B3GNT2: variants seen among roughly 807,000 people sequenced by gnomAD.
The protein encoded by B3GNT2 is N-acetyllactosaminide beta-1,3-N-acetylglucosaminyltransferase 2.
A neutral mutation model predicts 27.6 loss-of-function variants in B3GNT2; 12 were observed. The ratio of observed to expected loss-of-function variants is 0.44; its 90% CI spans 0.28 to 0.71. The LOEUF (loss-of-function observed/expected upper bound fraction) is 0.71. Among genes scored for constraint, B3GNT2 ranks in the 30% least tolerant of loss-of-function variants. B3GNT2 has a pLI of 0.17. For missense variants in B3GNT2, 413 were observed against 488.5 expected (o/e 0.85, Z 1.46); for synonymous variants, 192 against 189.7 (o/e 1.01, Z -0.10).
chr2:62,223,050 A>C lies in B3GNT2; in HGVS notation c.830A>C (p.His277Pro), dbSNP rs1161509570. The C allele has an allele frequency of 1.2e-6, 2 of 1,614,256 alleles. No homozygotes were observed. Among genetic ancestry groups the C allele is most frequent in the African/African-American group, 2.7e-5 (2 of 75,064 alleles). ...GATCTCTTCATAGGTGATGTGATCC[A>C]CAATGCTGGACCTCATCGGGATAAG... ...AKDLFIGDVI[H>P]NAGPHRDKKL... Residue 277 changes from histidine (H) to proline (P), a missense_variant, in exon 2 of 2, where the codon CAC (histidine) becomes CCC (proline). His to Pro is a moderately conservative substitution (Grantham distance 77). Coordinates refer to ENST00000301998, the MANE Select transcript of B3GNT2 (RefSeq NM_006577.6).
intron 1 of B3GNT2, among the ~76,000 whole-genome samples, chr2:62,215,061 T>C (rs1372853493): frequency 6.6e-6 from 1 of 152,162 alleles, no homozygotes; most frequent in Non-Finnish European, 1.5e-5. Flanking sequence ...ATGATGAATA[T>C]CATTTGAGAA....
intron 1 of B3GNT2, among the ~76,000 whole-genome samples, chr2:62,209,719 G>C (rs991798496): frequency 2.0e-5 from 3 of 152,138 alleles, no homozygotes; most frequent in African/African-American, 7.2e-5. Context: ...AGGAGAGCTG[G>C]GGTCTGGACC....
intron 1 of B3GNT2, among the ~76,000 whole-genome samples, chr2:62,213,493 C>A (rs1674515969): frequency 6.6e-6 from 1 of 152,076 alleles, no homozygotes; most frequent in Non-Finnish European, 1.5e-5. Flanking sequence ...GATAATGGGT[C>A]TGCTGCGGAA....
intron 1 of B3GNT2, among the ~76,000 whole-genome samples, chr2:62,200,584 A>G (rs1674248772): frequency 2.0e-5 from 3 of 152,250 alleles, no homozygotes; most frequent in Admixed American, 2.0e-4. Context: ...CATGTATAAC[A>G]TGCAGTAAAG....
intron 1 of B3GNT2, among the ~76,000 whole-genome samples, chr2:62,203,267 A>G (rs11684542): frequency 0.2 from 30,916 of 152,070 alleles, 3,314 homozygotes; most frequent in East Asian, 0.28. Flanking sequence ...GGTGAGAGAA[A>G]GACTCCTGGT....
intron 1 of B3GNT2, among the ~76,000 whole-genome samples, chr2:62,207,304 C>G (rs115754297): frequency 6.6e-6 from 1 of 152,030 alleles, no homozygotes; most frequent in Admixed American, 6.5e-5. Context: ...CTCAGCCTCA[C>G]GAGTAGTTGG....
At chr2:62,201,062 G>A (rs1674256178) in intron 1 of B3GNT2, among the ~76,000 whole-genome samples, 1 of 152,148 alleles carries the variant, frequency 6.6e-6, no homozygotes, top group South Asian at 2.1e-4. Context: ...CACTGTGCCT[G>A]ACTGCAGTTT....
At chr2:62,199,962 G>C (rs756284085) in intron 1 of B3GNT2, among the ~76,000 whole-genome samples, 31 of 152,126 alleles carry the variant, frequency 2.0e-4, no homozygotes, top group Admixed American at 1.3e-4. Flanking sequence ...GACTTTGCCA[G>C]GCTGGAACCT....
At chr2:62,208,648 G>A (rs551728658) in intron 1 of B3GNT2, among the ~76,000 whole-genome samples, 1 of 152,288 alleles carries the variant, frequency 6.6e-6, no homozygotes, top group African/African-American at 2.4e-5. Flanking sequence ...GGAGGGGGGT[G>A]TGTGTGAAAT....
chr2:62,210,988 T>C (rs1206737239), intron 1 of B3GNT2, among the ~76,000 whole-genome samples: 1 of 152,162 alleles, frequency 6.6e-6, no homozygotes, highest in African/African-American at 2.4e-5. Context: ...CAGATGATGA[T>C]GTGTCTAGGA....
chr2:62,203,185 A>C (rs1674303738), intron 1 of B3GNT2, among the ~76,000 whole-genome samples: 1 of 152,070 alleles, frequency 6.6e-6, no homozygotes, highest in African/African-American at 2.4e-5. Flanking sequence ...AGTAGAGGGG[A>C]AACTGAGGGC....
At chr2:62,196,878 C>A (rs915545006) in intron 1 of B3GNT2, among the ~76,000 whole-genome samples, 57 of 152,248 alleles carry the variant, frequency 3.7e-4, no homozygotes, top group African/African-American at 1.3e-3. Context: ...CGCCGGCCTC[C>A]CGTGCCGCAT....
chr2:62,210,633 G>A (rs1674464855), intron 1 of B3GNT2, among the ~76,000 whole-genome samples: 2 of 151,974 alleles, frequency 1.3e-5, no homozygotes, highest in Admixed American at 1.3e-4. Flanking sequence ...AGCTGGGTGT[G>A]GTGGTGGGCG....
intron 1 of B3GNT2, among the ~76,000 whole-genome samples, chr2:62,209,570 G>C (rs960347342): frequency 6.6e-6 from 1 of 152,188 alleles, no homozygotes; most frequent in Non-Finnish European, 1.5e-5. Flanking sequence ...CTTGAGCCCA[G>C]GAATTCAAGA....
intron 1 of B3GNT2, among the ~76,000 whole-genome samples, chr2:62,197,072 A>T (rs1479700193): frequency 3.5e-5 from 5 of 142,164 alleles, no homozygotes; most frequent in African/African-American, 1.3e-4. Flanking sequence ...ATGATTAACC[A>T]GGCTGCTAGC....
chr2:62,214,248 G>A (rs1000026275), intron 1 of B3GNT2, among the ~76,000 whole-genome samples: 4 of 152,198 alleles, frequency 2.6e-5, no homozygotes, highest in African/African-American at 9.7e-5. Flanking sequence ...TGAGCAGGGA[G>A]GGTGTGTCCA....
intron 1 of B3GNT2, among the ~76,000 whole-genome samples, chr2:62,204,387 G>A (rs1292188586): frequency 6.6e-6 from 1 of 152,138 alleles, no homozygotes; most frequent in African/African-American, 2.4e-5. Context: ...CTTGATCAGG[G>A]AATAACACAA....
intron 1 of B3GNT2, among the ~76,000 whole-genome samples, chr2:62,209,067 T>C (rs918298889): frequency 1.3e-5 from 2 of 152,128 alleles, no homozygotes; most frequent in Non-Finnish European, 2.9e-5. Context: ...TTCAGCTCAC[T>C]GCAGCCTCTG....
chr2:62,197,784 C>T (rs1359024986), intron 1 of B3GNT2, among the ~76,000 whole-genome samples: 1 of 152,228 alleles, frequency 6.6e-6, no homozygotes, highest in Non-Finnish European at 1.5e-5. Context: ...CCGGTGCCGG[C>T]TTATAGTCGC....
Sources: gnomAD v4.1 joint callset for allele counts (sites outside exome capture counted in the v4.1 genomes callset) on GRCh38, gnomAD v4.1.1 for gene constraint, MANE v1.5 for transcripts, NCBI Gene and HGNC (gene_info 2026-07-23, HGNC 2026-07-21) for gene names.